Variants in KLHL40 observed in about 807,000 individuals in gnomAD.
KLHL40 encodes kelch like family member 40.
A neutral mutation model predicts 49.7 loss-of-function variants in KLHL40; 44 were observed. That is an observed-to-expected ratio of 0.89 (90% CI 0.70 to 1.14). The LOEUF is 1.14. Ranked by LOEUF, KLHL40 falls within the 50% of genes most tolerant of loss-of-function variation. The pLI, the probability that KLHL40 is intolerant of heterozygous loss-of-function variation, is 0.00. For missense variants in KLHL40, 892 were observed against 850.3 expected (o/e 1.05, Z -0.61); for synonymous variants, 409 against 365.2 (o/e 1.12, Z -1.37).
chr3:42,690,866 C>T lies in KLHL40; in HGVS notation c.1615C>T (p.Pro539Ser), dbSNP rs758550223. 39 of 1,605,870 alleles carry T rather than the reference C, an allele frequency of 2.4e-5. No homozygotes were observed. The highest frequency in any genetic ancestry group is 3.1e-5 in the Non-Finnish European group (37 of 1,175,674). The part of the protein sequence containing the change: ...VYSITDNKWA[P>S]FEAFPQERSS... ...CTTCTCACACACCCCCAGGTGGGCA[C>T]CCTTCGAGGCCTTCCCACAGGAGCG... Residue 539 changes from proline (P) to serine (S), a missense_variant, in exon 5 of 6, where the codon CCC (proline) becomes TCC (serine). By Grantham distance (74) the Pro-to-Ser change is moderately conservative. Coordinates refer to ENST00000287777, the MANE Select transcript of KLHL40 (RefSeq NM_152393.4).
Position 42,691,893 on chromosome 3 carries a change from A to G in KLHL40, c.1766A>G (p.Glu589Gly). The G allele has an allele frequency of 6.2e-7, 1 of 1,609,246 alleles. No individual in the cohort carries two copies. Among genetic ancestry groups the G allele is most frequent in the South Asian group, 1.1e-5 (1 of 90,980 alleles). Residue 589 changes from glutamate to glycine, a missense_variant, in exon 6 of 6, where the codon GAG becomes GGG. Physicochemically the swap from Glu to Gly is moderately conservative, Grantham distance 98. Coordinates refer to ENST00000287777, the MANE Select transcript of KLHL40 (RefSeq NM_152393.4). ...TCTCTCATCCCCAGGTATAACGAGG[A>G]GGAGAAGAAATGGGAGGGTGTCCTG... ...ELNDIWRYNEEEKKWEGVLRE... is the reference protein window; with the variant it reads ...ELNDIWRYNEGEKKWEGVLRE...
In KLHL40 at chr3:42,688,338, G is replaced by A. The variant is rs767623369; in HGVS notation, c.1313+36G>A. The A allele has an allele frequency of 1.9e-6, 3 of 1,609,836 alleles. No homozygotes were observed. The highest frequency in any genetic ancestry group is 2.2e-5 in the South Asian group (2 of 90,948). Reference sequence around the variant, plus strand: ...CTGGGGTGGGGCTGAGCTCCGTGGGGGTGAGTGGGGCATGGAGGCCGCAGC... The same window carrying A: ...CTGGGGTGGGGCTGAGCTCCGTGGGAGTGAGTGGGGCATGGAGGCCGCAGC... On this transcript the variant is annotated intron_variant, in intron 2 of 5. Transcript: ENST00000287777. The surrounding 1 kb of genome is among the most constrained non-coding windows in gnomAD (Gnocchi z 4.2).
chr3:42,685,550 C>T lies in KLHL40; in HGVS notation c.-69C>T, dbSNP rs184388431. ...AGACAGCTGCTCAGTCTAAGCAAAC[C>T]CCAGCAGGAAAGCAGGGGTACAGAG... On this transcript the variant is annotated 5_prime_UTR_variant, in exon 1 of 6. Coordinates refer to ENST00000287777, the MANE Select transcript of KLHL40 (RefSeq NM_152393.4). The T allele has an allele frequency of 2.0e-4, 295 of 1,469,282 alleles. No homozygotes were observed. In the African/African-American group the frequency reaches 3.6e-3, roughly 18 times the overall value. The allele number at this position is 1,469,282 out of a possible 1,614,324, so 91.0% of individuals were successfully genotyped here.
chr3:42,685,810 C>T lies in KLHL40; in HGVS notation c.192C>T (p.Ala64=). The change falls in exon 1 of 6, where the codon GCC becomes GCT. Residue 64 remains alanine, a synonymous_variant. Transcript: ENST00000287777. ...CCTACTTCCGGGCGCGCTTTCTAGC[C>T]GAGCCGGAGCGCGCGGGCGAGCTGC... The part of the protein sequence containing the change: ...CSPYFRARFL[A]EPERAGELHL... The T allele has an allele frequency of 6.2e-7, 1 of 1,612,598 alleles. No homozygotes were observed. The highest frequency in any genetic ancestry group is 1.7e-5 in the Admixed American group (1 of 59,974).
chr3:42,690,744 T>G, intron 4 of KLHL40, 115 bp from the exon 5 acceptor site: 1 of 1,113,374 alleles, frequency 9.0e-7, no homozygotes, highest in Non-Finnish European at 1.3e-6. Flanking sequence ...GGGGCATGGG[T>G]GCCTGGGACT....
rs1009761808 is a variant in KLHL40, at chr3:42,688,754, G to A, written c.1421+37G>A. 6.9e-6 allele frequency: 11 copies of A among 1,594,274 alleles called. No individual in the cohort carries two copies. The highest frequency in any genetic ancestry group is 9.5e-6 in the Non-Finnish European group (11 of 1,162,208). On this transcript the variant is annotated intron_variant, in intron 3 of 5. Coordinates refer to ENST00000287777, the MANE Select transcript of KLHL40 (RefSeq NM_152393.4). This position sits in a 1 kb window ranked among gnomAD's most constrained non-coding sequence, Gnocchi z 4.2. Reference sequence around the variant, plus strand: ...CCTGGAGTGAGTCTGTGGAGCAGAGGTAGAATCTCCCAGAGGCTGTCAGGG... The same window carrying A: ...CCTGGAGTGAGTCTGTGGAGCAGAGATAGAATCTCCCAGAGGCTGTCAGGG...
chr3:42,689,669 G>T (rs544443821), intron 4 of KLHL40, among the ~76,000 whole-genome samples: 18 of 152,226 alleles, frequency 1.2e-4, no homozygotes, highest in African/African-American at 3.9e-4. Flanking sequence ...GGATTTCCCA[G>T]GGGTCAGGAA....
In KLHL40 at chr3:42,686,377, G is replaced by A; in HGVS notation, c.759G>A (p.Lys253=). ...LVRAQPELLR[K]VQMVKDAHEG... is the part of the protein sequence containing the mutation. Reference sequence around the variant, plus strand: ...GTGCCCAGCCCGAGTTGCTGCGCAAGGTGCAGATGGTGAAGGATGCACACG... The same window carrying A: ...GTGCCCAGCCCGAGTTGCTGCGCAAAGTGCAGATGGTGAAGGATGCACACG... The change falls in exon 1 of 6, where the codon AAG becomes AAA. Residue 253 remains lysine (K), a synonymous_variant. Transcript: ENST00000287777. 5 of 1,613,458 alleles carry A rather than the reference G, an allele frequency of 3.1e-6. No homozygotes were observed. Among genetic ancestry groups the A allele is most frequent in the Non-Finnish European group, 4.2e-6 (5 of 1,179,972 alleles).
Position 42,688,462 on chromosome 3 carries a change from C to A in KLHL40, c.1314-148C>A. 1.1e-6 allele frequency: 1 copy of A among 946,166 alleles called. No individual in the cohort carries two copies. Among genetic ancestry groups the A allele is most frequent in the Non-Finnish European group, 1.6e-6 (1 of 615,740 alleles). 58.6% of individuals were successfully genotyped at this position (946,166 alleles called of 1,614,324 possible). On this transcript the variant is annotated intron_variant, in intron 2 of 5. Transcript: ENST00000287777. The surrounding 1 kb of genome is among the most constrained non-coding windows in gnomAD (Gnocchi z 4.2). The stretch of plus-strand genomic sequence containing the variant: ...GGGAGGTTGGGGGGCAGGGTGGGAT[C>A]AAAGAACTGAGAGGCCTCGGAAGTT...
Position 42,688,283 on chromosome 3 carries a change from G to C in KLHL40, c.1294G>C (p.Val432Leu), listed in dbSNP as rs759601864. 1 of 1,613,976 alleles carries C rather than the reference G, an allele frequency of 6.2e-7. No individual in the cohort carries two copies. Among genetic ancestry groups the C allele is most frequent in the South Asian group, 1.1e-5 (1 of 91,076 alleles). The change falls in exon 2 of 6, where the codon GTC (valine) becomes CTC (leucine). Residue 432 changes from valine (V) to leucine (L), a missense_variant. Transcript: ENST00000287777. The surrounding 1 kb of genome is among the most constrained non-coding windows in gnomAD (Gnocchi z 4.2). Reference sequence around the variant, plus strand: ...GGACGGCGAGCGCTGCCTGGACTCGGTCATGTGCTACGACAGGCTGTGAGC... The same window carrying C: ...GGACGGCGAGCGCTGCCTGGACTCGCTCATGTGCTACGACAGGCTGTGAGC... The part of the protein sequence containing the change: ...IKDGERCLDS[V>L]MCYDRLSFKW...
Position 42,686,433 on chromosome 3 carries a change from A to G in KLHL40, c.815A>G (p.Lys272Arg), listed in dbSNP as rs1311083201. The G allele has an allele frequency of 6.2e-7, 1 of 1,613,860 alleles. No individual in the cohort carries two copies. The highest frequency in any genetic ancestry group is 1.1e-5 in the South Asian group (1 of 91,086). The change falls in exon 1 of 6, where the codon AAG becomes AGG. Residue 272 changes from lysine to arginine, a missense_variant. Coordinates refer to ENST00000287777, the MANE Select transcript of KLHL40 (RefSeq NM_152393.4). ...CGCATCACCACGCTGCGGAAGAAAA[A>G]GAAGGGGAAGGATGGAGCCGGGGCC... ...EGRITTLRKK[K>R]KGKDGAGAKE...
At chr3:42,689,133 C>A in intron 4 of KLHL40, 79 bp downstream of exon 4, 1 of 1,257,856 alleles carries the variant, frequency 8.0e-7, no homozygotes, top group South Asian at 1.4e-5. Context: ...GCTGCAGTCC[C>A]TGTCTTGGGT....
chr3:42,691,074 G>GGGT, intron 5 of KLHL40, 69 bp downstream of exon 5: 1 of 1,493,648 alleles, frequency 6.7e-7, no homozygotes, highest in Non-Finnish European at 9.0e-7. Context: ...ACCATGGTGG[G>GGGT]GTACCAAGGC....
chr3:42,688,581 T>C lies in KLHL40; in HGVS notation c.1314-29T>C. 1.3e-6 allele frequency: 2 copies of C among 1,538,434 alleles called. No individual in the cohort carries two copies. Among genetic ancestry groups the C allele is most frequent in the Non-Finnish European group, 1.8e-6 (2 of 1,113,146 alleles). The stretch of plus-strand genomic sequence containing the variant: ...CTGAGCCGAGCCTGGATGGGTGCCC[T>C]CCCCCACCCCCACTCCCGTCTCCTC... On this transcript the variant is annotated intron_variant, in intron 2 of 5. Transcript: ENST00000287777. This position sits in a 1 kb window ranked among gnomAD's most constrained non-coding sequence, Gnocchi z 4.2.
intron 4 of KLHL40, among the ~76,000 whole-genome samples, chr3:42,689,632 T>C (rs1697329472): frequency 6.6e-6 from 1 of 151,936 alleles, no homozygotes; most frequent in Admixed American, 6.6e-5. Flanking sequence ...AAGTACTTCA[T>C]GGCAACTGAT....
chr3:42,692,484 G>A lies in KLHL40; in HGVS notation c.*491G>A. 1 of 527,930 alleles carries A rather than the reference G, an allele frequency of 1.9e-6. No individual in the cohort carries two copies. The highest frequency in any genetic ancestry group is 3.4e-6 in the Non-Finnish European group (1 of 297,246). The allele number at this position is 527,930 out of a possible 1,614,324, so 32.7% of individuals were successfully genotyped here. ...GTGAGCAGGTGTGTTGAAGACTTGG[G>A]GCTTCAGTGTTCTGCTGTTGGGCTG... On this transcript the variant is annotated 3_prime_UTR_variant, in exon 6 of 6. Coordinates refer to ENST00000287777, the MANE Select transcript of KLHL40 (RefSeq NM_152393.4).
At chr3:42,686,803 T>C (rs1697281190) in intron 1 of KLHL40, 33 bp downstream of exon 1, 1 of 1,559,276 alleles carries the variant, frequency 6.4e-7, no homozygotes, top group African/African-American at 1.4e-5. Flanking sequence ...CGCCAGCTAA[T>C]GCTGGGCTCT....
In KLHL40 at chr3:42,692,287, G is replaced by A; in HGVS notation, c.*294G>A. The A allele has an allele frequency of 2.1e-6, 1 of 469,514 alleles. No individual in the cohort carries two copies. The highest frequency in any genetic ancestry group is 3.9e-6 in the Non-Finnish European group (1 of 259,164). 29.1% of individuals were successfully genotyped at this position (469,514 alleles called of 1,614,324 possible). ...CAGGCCGTGTGCTGGCCCTGCCCCA[G>A]CCTAGCTGAGTGTGCTGGCAAAGTT... On this transcript the variant is annotated 3_prime_UTR_variant, in exon 6 of 6. Coordinates refer to ENST00000287777, the MANE Select transcript of KLHL40 (RefSeq NM_152393.4).
At chr3:42,691,055 C>T (rs768344818) in intron 5 of KLHL40, 50 bp downstream of exon 5, 146 of 1,537,808 alleles carry the variant, frequency 9.5e-5, no homozygotes, top group Non-Finnish European at 1.2e-4. Context: ...AAGGCTGACA[C>T]CCCATAGCAC....
Sources: gnomAD v4.1 joint callset for allele counts (sites outside exome capture counted in the v4.1 genomes callset) on GRCh38, gnomAD v4.1.1 for gene constraint, Gnocchi (gnomAD v3.1) non-coding constraint, MANE v1.5 for transcripts, NCBI Gene and HGNC (gene_info 2026-07-23, HGNC 2026-07-21) for gene names.